ZNF445: variants seen among roughly 807,000 people sequenced by gnomAD.
The protein encoded by ZNF445 is zinc finger protein 168.
Under a neutral mutation model 93.9 loss-of-function variants are expected in ZNF445, and 19 were observed. That is an observed-to-expected ratio of 0.20 (90% CI 0.14 to 0.30). The LOEUF (loss-of-function observed/expected upper bound fraction) is 0.30, where lower values mean the gene tolerates loss of function less well. Among genes scored for constraint, ZNF445 ranks in the 10% least tolerant of loss-of-function variants. The pLI, the probability that ZNF445 is intolerant of heterozygous loss-of-function variation, is 1.00. For synonymous variants in ZNF445, 449 were observed against 446.3 expected (o/e 1.01, Z -0.08); for missense variants, 1,058 against 1,259.4 (o/e 0.84, Z 2.42).
intron 2 of ZNF445, among the ~76,000 whole-genome samples, chr3:44,456,926 G>C (rs1698034959): frequency 6.6e-6 from 1 of 152,146 alleles, no homozygotes; most frequent in African/African-American, 2.4e-5. Flanking sequence ...TCAGGAGTTT[G>C]AGAACAGCCT....
rs1331371038 is a variant in ZNF445, at chr3:44,447,597, T to C, written c.2074A>G (p.Arg692Gly). ...LCQQCGKTFT[R>G]KKTLVDHQRI... The stretch of plus-strand genomic sequence containing the variant: ...TGGTGGTCAACGAGAGTTTTCTTTC[T>C]AGTAAAAGTTTTCCCACACTGCTGA... Residue 692 changes from arginine (R) to glycine (G), a missense_variant, in exon 8 of 8, where the codon AGA becomes GGA. Physicochemically the swap from Arg to Gly is moderately radical, Grantham distance 125. Transcript: ENST00000396077. This position sits in a 1 kb window ranked among gnomAD's most constrained non-coding sequence, Gnocchi z 4.7. The C allele has an allele frequency of 3.1e-6, 5 of 1,614,114 alleles. No homozygotes were observed. The highest frequency in any genetic ancestry group is 4.2e-6 in the Non-Finnish European group (5 of 1,180,050).
At chr3:44,468,463 G>A (rs1245643643) in intron 1 of ZNF445, among the ~76,000 whole-genome samples, 4 of 152,310 alleles carry the variant, frequency 2.6e-5, no homozygotes, top group East Asian at 1.9e-4. Flanking sequence ...CTGGAGACTA[G>A]ATTGCCTTTG....
rs1697742376 is a variant in ZNF445, at chr3:44,438,727, G to A, written c.*7848C>T. 6.6e-6 allele frequency: 1 copy of A among 152,050 alleles called. No homozygotes were observed. Among genetic ancestry groups the A allele is most frequent in the African/African-American group, 2.4e-5 (1 of 41,402 alleles). 9.4% of individuals were successfully genotyped at this position (152,050 alleles called of 1,614,324 possible). A position where few individuals can be genotyped will look rare whatever the true frequency, so the allele number is the denominator to read the frequency against. On this transcript the variant is annotated 3_prime_UTR_variant, in exon 8 of 8. Coordinates refer to ENST00000396077, the MANE Select transcript of ZNF445 (RefSeq NM_181489.6). ...TCATGTCCTTTGTAGGGACATGGAT[G>A]AAGGTGGAAATAATCATTCTCAGTA...
chr3:44,463,702 C>T (rs1351379692), intron 1 of ZNF445, among the ~76,000 whole-genome samples: 2 of 152,268 alleles, frequency 1.3e-5, no homozygotes, highest in South Asian at 4.1e-4. Context: ...GAAAAGCATG[C>T]TCTTGGCCAC....
rs149047722 is a variant in ZNF445 at position 44,446,784 on chromosome 3, A to G, written c.2887T>C (p.Ser963Pro). The G allele has an allele frequency of 5.0e-6, 8 of 1,614,180 alleles. No individual in the cohort carries two copies. The East Asian group carries it at 1.6e-4, about 31-fold the overall frequency. The change falls in exon 8 of 8, where the codon TCC (serine) becomes CCC (proline). Residue 963 changes from serine to proline, a missense_variant. Ser to Pro is a moderately conservative substitution (Grantham distance 74, BLOSUM62 -1). This residue lies in a region of ZNF445 where 387 missense variants were observed against 475.7 expected (regional missense o/e 0.81). Coordinates refer to ENST00000396077, the MANE Select transcript of ZNF445 (RefSeq NM_181489.6). This position sits in a 1 kb window ranked among gnomAD's most constrained non-coding sequence, Gnocchi z 4.2. ...ATGTCCTGGAGTCCAGTGAGCCTGG[A>G]GCTCTGGCTGCAAGCTTCTTTGCAG... is the stretch of plus-strand genomic sequence containing the variant. ...EDCKEACSQS[S>P]RLTGLQDISI...
Position 44,455,983 on chromosome 3 carries a change from TG to T in ZNF445, c.-147-288del, listed in dbSNP as rs766275848. 1.2e-3 allele frequency among the ~76,000 whole-genome samples: 179 copies of T among 152,216 alleles called. 2 individuals are homozygous for T. The highest frequency in any genetic ancestry group is 5.0e-4 in the Non-Finnish European group (34 of 68,034). ...GAACAGACATACCGTATGCATGTACTGGAAGATGTGACACAGTAAAGATGTA... is the reference window on the plus strand; with the variant it reads ...GAACAGACATACCGTATGCATGTACTGAAGATGTGACACAGTAAAGATGTA... On this transcript the variant is annotated intron_variant, in intron 2 of 7. Transcript: ENST00000396077.
chr3:44,448,102 C>A lies in ZNF445; in HGVS notation c.1569G>T (p.Arg523=), dbSNP rs768157999. 4 of 1,613,654 alleles carry A rather than the reference C, an allele frequency of 2.5e-6. No individual in the cohort carries two copies. Among genetic ancestry groups the A allele is most frequent in the Non-Finnish European group, 3.4e-6 (4 of 1,179,990 alleles). ...FKCRVCGKAF[R]WSSNCARHEK... ...CATGCCGCGCACAGTTGGAACTCCA[C>A]CGGAAGGCTTTCCCACACACCCTAC... The change falls in exon 8 of 8, where the codon CGG becomes CGT. Residue 523 remains arginine, a synonymous_variant. Coordinates refer to ENST00000396077, the MANE Select transcript of ZNF445 (RefSeq NM_181489.6).
In ZNF445 at chr3:44,433,979, C is replaced by A. The variant is rs1697618479; in HGVS notation, c.*12596G>T. The A allele has an allele frequency of 6.6e-6, 1 of 152,234 alleles. No homozygotes were observed. Among genetic ancestry groups the A allele is most frequent in the Non-Finnish European group, 1.5e-5 (1 of 68,046 alleles). The allele number at this position is 152,234 out of a possible 1,614,324, so 9.4% of individuals were successfully genotyped here. On this transcript the variant is annotated 3_prime_UTR_variant, in exon 8 of 8. Transcript: ENST00000396077. Reference sequence around the variant, plus strand: ...GGCTGCTGAGGACTGAGAACTAGAGCTGAGACTCCCAGGCAGCCCCTTTGG... The same window carrying A: ...GGCTGCTGAGGACTGAGAACTAGAGATGAGACTCCCAGGCAGCCCCTTTGG...
chr3:44,451,292 C>G (rs1559393724), intron 4 of ZNF445, 22 bp downstream of exon 4: 1 of 1,610,216 alleles, frequency 6.2e-7, no homozygotes, highest in Non-Finnish European at 8.5e-7. Context: ...AGGCTGGGGT[C>G]TTAAGGCCAG....
chr3:44,436,745 G>A lies in ZNF445; in HGVS notation c.*9830C>T, dbSNP rs1697688334. The A allele has an allele frequency of 6.9e-6, 1 of 145,120 alleles. No individual in the cohort carries two copies. The highest frequency in any genetic ancestry group is 1.5e-5 in the Non-Finnish European group (1 of 66,598). The allele number at this position is 145,120 out of a possible 1,614,324, so 9.0% of individuals were successfully genotyped here. A position where few individuals can be genotyped will look rare whatever the true frequency, so the allele number is the denominator to read the frequency against. ...CTCCCACCTCAGCCTCCCAAGCTGG[G>A]ATTACAGTGAGTCCATATCTCAACA... On this transcript the variant is annotated 3_prime_UTR_variant, in exon 8 of 8. Transcript: ENST00000396077.
Position 44,446,319 on chromosome 3 carries a change from A to C in ZNF445, c.*256T>G. 3 of 488,826 alleles carry C rather than the reference A, an allele frequency of 6.1e-6. No individual in the cohort carries two copies. Among genetic ancestry groups the C allele is most frequent in the Admixed American group, 3.8e-5 (1 of 26,566 alleles). The allele number at this position is 488,826 out of a possible 1,614,324, so 30.3% of individuals were successfully genotyped here. A position where few individuals can be genotyped will look rare whatever the true frequency, so the allele number is the denominator to read the frequency against. Reference sequence around the variant, plus strand: ...GACCTGAATAGGGGAGCCGCAGGCTATGGTGCAGAGGCCACTCCTAGGGGC... The same window carrying C: ...GACCTGAATAGGGGAGCCGCAGGCTCTGGTGCAGAGGCCACTCCTAGGGGC... On this transcript the variant is annotated 3_prime_UTR_variant, in exon 8 of 8. Coordinates refer to ENST00000396077, the MANE Select transcript of ZNF445 (RefSeq NM_181489.6). The surrounding 1 kb of genome is among the most constrained non-coding windows in gnomAD (Gnocchi z 4.2).
chr3:44,462,163 A>C (rs1698123483), intron 1 of ZNF445, among the ~76,000 whole-genome samples: 1 of 152,210 alleles, frequency 6.6e-6, no homozygotes, highest in Admixed American at 6.5e-5. Flanking sequence ...CACAGATAGA[A>C]CGTGGGTTTA....
chr3:44,452,459 A>G (rs1697970107), intron 3 of ZNF445, among the ~76,000 whole-genome samples: 1 of 152,120 alleles, frequency 6.6e-6, no homozygotes, highest in Admixed American at 6.5e-5. Context: ...TGAACCACAG[A>G]ACGATTCTGT....
At position 44,455,232 on chromosome 3, in the gene ZNF445, G is replaced by A; in HGVS notation, c.318C>T (p.Ile106=). Residue 106 remains isoleucine, a synonymous_variant, in exon 3 of 8, where the codon ATC becomes ATT. Coordinates refer to ENST00000396077, the MANE Select transcript of ZNF445 (RefSeq NM_181489.6). The stretch of plus-strand genomic sequence containing the variant: ...CCCAAACCCGGAGCTCCCCAGGCAG[G>A]ATGCTCAGGAACTGTTCCAGCACCA... ...ELLVLEQFLS[I]LPGELRVWVQ... is the part of the protein sequence containing the mutation. 6.2e-7 allele frequency: 1 copy of A among 1,614,214 alleles called. No homozygotes were observed. The highest frequency in any genetic ancestry group is 8.5e-7 in the Non-Finnish European group (1 of 1,180,024).
chr3:44,471,191 G>T (rs1410814980), intron 1 of ZNF445, among the ~76,000 whole-genome samples: 1 of 152,120 alleles, frequency 6.6e-6, no homozygotes, highest in Non-Finnish European at 1.5e-5. Flanking sequence ...ATGACTCTTG[G>T]TTCAGTCTAG....
chr3:44,465,508 A>T (rs1437034551), intron 1 of ZNF445, among the ~76,000 whole-genome samples: 1 of 152,246 alleles, frequency 6.6e-6, no homozygotes, highest in East Asian at 1.9e-4. Context: ...GTTTTCTTAG[A>T]AAACTGATCT....
At position 44,444,401 on chromosome 3, in the gene ZNF445, C is replaced by CTA. The variant is rs1553611198; in HGVS notation, c.*2172_*2173dup. On this transcript the variant is annotated 3_prime_UTR_variant, in exon 8 of 8. Transcript: ENST00000396077. ...GAATCAGGTAGCACAGCCAAGCACT[C>CTA]TAACTTCACACATAAGGAAATTGAT... 6.6e-6 allele frequency: 1 copy of CTA among 152,194 alleles called. No individual in the cohort carries two copies. The highest frequency in any genetic ancestry group is 1.9e-4 in the East Asian group (1 of 5,188). The allele number at this position is 152,194 out of a possible 1,614,324, so 9.4% of individuals were successfully genotyped here.
intron 4 of ZNF445, 104 bp from the exon 5 acceptor site, chr3:44,451,066 A>G: frequency 9.2e-7 from 1 of 1,088,258 alleles, no homozygotes; most frequent in Non-Finnish European, 1.3e-6. Context: ...GAGCAGGTAC[A>G]TAATGTTGTT....
Position 44,446,043 on chromosome 3 carries a change from T to C in ZNF445, c.*532A>G, listed in dbSNP as rs182977237. On this transcript the variant is annotated 3_prime_UTR_variant, in exon 8 of 8. Transcript: ENST00000396077. The surrounding 1 kb of genome is among the most constrained non-coding windows in gnomAD (Gnocchi z 4.2). ...TGCCGCTGAGACCACTCTAACCCCC[T>C]AGCAGATATCCAAAAGCCAGCCAGG... 1,074 of 165,668 alleles carry C rather than the reference T, an allele frequency of 6.5e-3. 14 individuals carry two copies. Among genetic ancestry groups the C allele is most frequent in the African/African-American group, 0.025 (1,036 of 41,644 alleles). The allele number at this position is 165,668 out of a possible 1,614,324, so 10.3% of individuals were successfully genotyped here.
Sources: gnomAD v4.1 joint callset for allele counts (sites outside exome capture counted in the v4.1 genomes callset) on GRCh38, gnomAD v4.1.1 for gene constraint, gnomAD v4.1.1 regional missense constraint, Gnocchi (gnomAD v3.1) non-coding constraint, MANE v1.5 for transcripts, NCBI Gene and HGNC (gene_info 2026-07-23, HGNC 2026-07-21) for gene names.